DPP10: variants seen among roughly 807,000 people sequenced by gnomAD.
DPP10 encodes the protein inactive dipeptidyl peptidase 10.
Under a neutral mutation model 120.9 loss-of-function variants are expected in DPP10, and 33 were observed. The ratio of observed to expected loss-of-function variants is 0.27; its 90% CI spans 0.21 to 0.37. DPP10 has a LOEUF of 0.37. Among genes scored for constraint, DPP10 ranks in the 10% least tolerant of loss-of-function variants. DPP10 has a pLI of 1.00. For missense variants in DPP10, 816 were observed against 942.8 expected (o/e 0.87, Z 1.76); for synonymous variants, 337 against 326.1 (o/e 1.03, Z -0.36).
chr2:115,348,920 A>G (rs1171082242), intron 3 of DPP10, among the ~76,000 whole-genome samples: 1 of 152,140 alleles, frequency 6.6e-6, no homozygotes, highest in South Asian at 2.1e-4. Flanking sequence ...ACCCACAATT[A>G]AACCTACCTG....
At chr2:115,170,216 T>C (rs917071542) in intron 1 of DPP10, among the ~76,000 whole-genome samples, 5 of 152,214 alleles carry the variant, frequency 3.3e-5, no homozygotes, top group African/African-American at 1.2e-4. Flanking sequence ...CCTCCAGGAA[T>C]GGTTTTAATG....
chr2:115,338,786 A>T (rs1011780872), intron 2 of DPP10, among the ~76,000 whole-genome samples: 1 of 152,222 alleles, frequency 6.6e-6, no homozygotes, highest in African/African-American at 2.4e-5. Context: ...ATGTGTGAAG[A>T]TATACAAAAA....
chr2:115,251,478 C>G (rs901451249), intron 1 of DPP10, among the ~76,000 whole-genome samples: 13 of 152,116 alleles, frequency 8.5e-5, no homozygotes, highest in Non-Finnish European at 1.8e-4. Flanking sequence ...AAAGCTTTTA[C>G]TGCGACAAAA....
At chr2:114,823,901 C>CT (rs1686309878) in intron 1 of DPP10, among the ~76,000 whole-genome samples, 1 of 152,170 alleles carries the variant, frequency 6.6e-6, no homozygotes, top group South Asian at 2.1e-4. Flanking sequence ...AAAACTCAGT[C>CT]TCTAAGGGTT....
At chr2:114,555,068 T>C in intron 1 of DPP10, among the ~76,000 whole-genome samples, 1 of 152,174 alleles carries the variant, frequency 6.6e-6, no homozygotes, top group Non-Finnish European at 1.5e-5. Context: ...CATGTTATCC[T>C]ATTTCCTGGG....
rs184407619 is a variant in DPP10, at chr2:115,396,581, T to A, written c.271+52669T>A. On this transcript the variant is annotated intron_variant, in intron 3 of 25. Transcript: ENST00000410059. ...ATGAGAAAAGGGACCTTGGTAGTTG[T>A]TGTGTCTTTCTTGTTTATTCTTTCT... 4.7e-3 allele frequency among the ~76,000 whole-genome samples: 710 copies of A among 152,344 alleles called. 7 individuals are homozygous for A. The highest frequency in any genetic ancestry group is 0.015 in the African/African-American group (634 of 41,580).
chr2:114,602,400 A>G (rs1692447086), intron 1 of DPP10, among the ~76,000 whole-genome samples: 3 of 151,838 alleles, frequency 2.0e-5, no homozygotes, highest in Admixed American at 1.3e-4. Context: ...TTAGAAACTA[A>G]GCTCTTTCCA....
chr2:114,665,396 C>CT (rs1488584779), intron 1 of DPP10, among the ~76,000 whole-genome samples: 1 of 152,116 alleles, frequency 6.6e-6, no homozygotes, highest in Non-Finnish European at 1.5e-5. Context: ...TGCATGCACC[C>CT]TTTTTTCTCT....
intron 5 of DPP10, among the ~76,000 whole-genome samples, chr2:115,684,662 A>G (rs1353813810): frequency 6.6e-6 from 1 of 151,890 alleles, no homozygotes; most frequent in Non-Finnish European, 1.5e-5. Context: ...ATCCAGAGAT[A>G]CAAGCCTCTG....
chr2:114,448,107 G>GT (rs975909664), intron 1 of DPP10, among the ~76,000 whole-genome samples: 11 of 151,664 alleles, frequency 7.3e-5, no homozygotes, highest in Admixed American at 2.6e-4. Context: ...AAGCATTATA[G>GT]TTTTTTTTCT....
In DPP10 at chr2:114,532,256, CAT is replaced by C. The variant is rs66716319; in HGVS notation, c.60+89458_60+89459del. Among the ~76,000 whole-genome samples, 692 of 86,054 alleles carry C rather than the reference CAT, an allele frequency of 8.0e-3. 9 individuals are homozygous for C. Among genetic ancestry groups the C allele is most frequent in the African/African-American group, 0.023 (376 of 16,054 alleles). The allele number at this position is 86,054 out of a possible 152,430, so 56.5% of individuals were successfully genotyped here. A position where few individuals can be genotyped will look rare whatever the true frequency, so the allele number is the denominator to read the frequency against. ...CGAGCCAATTCCCATAATAAATCTC[CAT>C]ATATATATATATATATATATATATA... On this transcript the variant is annotated intron_variant, in intron 1 of 25. Coordinates refer to ENST00000410059, the MANE Select transcript of DPP10 (RefSeq NM_020868.6).
chr2:114,544,302 G>A (rs1458983074), intron 1 of DPP10, among the ~76,000 whole-genome samples: 3 of 152,304 alleles, frequency 2.0e-5, no homozygotes, highest in South Asian at 2.1e-4. Context: ...AGGCAAGAAC[G>A]CTTCAGATCC....
intron 1 of DPP10, among the ~76,000 whole-genome samples, chr2:114,513,445 C>T (rs1338626802): frequency 3.4e-5 from 5 of 149,042 alleles, no homozygotes; most frequent in Admixed American, 1.3e-4. Context: ...TGCTTGAAAC[C>T]GGAAGGCAGA....
chr2:114,747,737 T>A (rs1303538850), intron 1 of DPP10, among the ~76,000 whole-genome samples: 1 of 152,262 alleles, frequency 6.6e-6, no homozygotes, highest in Admixed American at 6.5e-5. Flanking sequence ...ATTTTTAGTA[T>A]TATTCTTGGT....
At chr2:114,720,954 G>A (rs1451043225) in intron 1 of DPP10, among the ~76,000 whole-genome samples, 1 of 152,172 alleles carries the variant, frequency 6.6e-6, no homozygotes, top group Admixed American at 6.5e-5. Context: ...GTCATGTCTT[G>A]GAAAAGAGCT....
intron 1 of DPP10, among the ~76,000 whole-genome samples, chr2:114,574,263 C>T (rs553270401): frequency 2.0e-5 from 3 of 152,278 alleles, no homozygotes; most frequent in Admixed American, 6.5e-5. Flanking sequence ...GTTTTTCCCC[C>T]TCCCATTCAA....
intron 1 of DPP10, among the ~76,000 whole-genome samples, chr2:114,802,074 G>T (rs1285792985): frequency 6.6e-6 from 1 of 152,034 alleles, no homozygotes; most frequent in Non-Finnish European, 1.5e-5. Flanking sequence ...AATCAGTCTA[G>T]GATTACTTGC....
chr2:115,150,534 G>C lies in DPP10; in HGVS notation c.61-158705G>C, dbSNP rs959142475. On this transcript the variant is annotated intron_variant, in intron 1 of 25. Coordinates refer to ENST00000410059, the MANE Select transcript of DPP10 (RefSeq NM_020868.6). ...ATAATTATTGAAAATATGTTTTCTT[G>C]CATATGCTATCTCATTCTCTCCATT... Among the ~76,000 whole-genome samples the C allele has an allele frequency of 2.0e-5, 3 of 152,162 alleles. 1 individual carries two copies. Among genetic ancestry groups the C allele is most frequent in the African/African-American group, 2.4e-5 (1 of 41,512 alleles).
At chr2:115,507,034 GCA>G (rs71394148) in intron 4 of DPP10, among the ~76,000 whole-genome samples, 2,592 of 148,610 alleles carry the variant, frequency 0.017, 50 homozygotes, top group African/African-American at 0.056. Context: ...ACACGCACGC[GCA>G]CACACACACA....
Sources: allele counts gnomAD v4.1 joint callset (sites outside exome capture counted in the v4.1 genomes callset), GRCh38; gene constraint gnomAD v4.1.1; transcripts MANE v1.5; gene names NCBI Gene and HGNC (gene_info 2026-07-23, HGNC 2026-07-21).